DNHD1: variants seen among roughly 807,000 people sequenced by gnomAD.
DNHD1 encodes dynein heavy chain domain-containing protein 1.
Under a neutral mutation model 458.1 loss-of-function variants are expected in DNHD1, and 383 were observed. That is an observed-to-expected ratio of 0.84 (90% CI 0.77 to 0.91). The LOEUF is 0.91. Among genes scored for constraint, DNHD1 ranks in the 40% least tolerant of loss-of-function variants. The pLI, the probability that DNHD1 is intolerant of heterozygous loss-of-function variation, is 0.00. For synonymous variants in DNHD1, 2,203 were observed against 2,376.9 expected (o/e 0.93, Z 2.13); for missense variants, 5,336 against 5,866.1 (o/e 0.91, Z 2.95).
Position 6,544,578 on chromosome 11 carries a change from C to T in DNHD1, c.3759C>T (p.Ala1253=), listed in dbSNP as rs1378767548. Residue 1253 remains alanine (A), a synonymous_variant, in exon 20 of 43, where the codon GCC becomes GCT. Coordinates refer to ENST00000254579, the MANE Select transcript of DNHD1 (RefSeq NM_144666.3). ...EWVAIMHGLG[A]LLEVWLTFQQ... ...TTCCTCTGGCTGCTTACACAGGTGCCCTGCTGGAGGTGTGGCTGACTTTCC... is the reference window on the plus strand; with the variant it reads ...TTCCTCTGGCTGCTTACACAGGTGCTCTGCTGGAGGTGTGGCTGACTTTCC... 2.6e-6 allele frequency: 4 copies of T among 1,550,996 alleles called. No individual in the cohort carries two copies.
chr11:6,570,358 C>T lies in DNHD1; in HGVS notation c.13067C>T (p.Thr4356Ile). Residue 4356 changes from threonine (T) to isoleucine (I), a missense_variant, in exon 41 of 43, where the codon ACA becomes ATA. By Grantham distance (89) the Thr-to-Ile change is moderately conservative. This residue lies in a region of DNHD1 where 698 missense variants were observed against 664.9 expected (regional missense o/e 1.05). Transcript: ENST00000254579. ...PSSGSWVQPH[T>I]PQSLLATLMP... ...AGTGGGAGCTGGGTCCAGCCACACA[C>T]ACCTCAGTCTTTGCTGGCCACGCTC... The T allele has an allele frequency of 6.2e-7, 1 of 1,611,946 alleles. No individual in the cohort carries two copies. The highest frequency in any genetic ancestry group is 1.1e-5 in the South Asian group (1 of 90,672).
chr11:6,498,821 T>A lies in DNHD1; in HGVS notation c.606T>A (p.Ala202=). Residue 202 remains alanine (A), a synonymous_variant, in exon 3 of 43, where the codon GCT becomes GCA. Transcript: ENST00000254579. The part of the protein sequence containing the change: ...ELQRCLGIVG[A]QVALEEAVWL... ...AGCGCTGCCTGGGCATTGTTGGTGCTCAGGTGGCCCTAGAAGAGGCTGTGT... is the reference window on the plus strand; with the variant it reads ...AGCGCTGCCTGGGCATTGTTGGTGCACAGGTGGCCCTAGAAGAGGCTGTGT... 6.2e-7 allele frequency: 1 copy of A among 1,614,248 alleles called. No individual in the cohort carries two copies. The highest frequency in any genetic ancestry group is 8.5e-7 in the Non-Finnish European group (1 of 1,180,042).
intron 19 of DNHD1, 24 bp from the exon 20 acceptor site, chr11:6,544,550 G>T (rs1376307644): frequency 2.6e-6 from 4 of 1,538,448 alleles, no homozygotes; most frequent in Non-Finnish European, 3.5e-6. Context: ...TTTCCCACCA[G>T]CATTCCTCTG....
intron 8 of DNHD1, 46 bp from the exon 9 acceptor site, chr11:6,519,919 T>G (rs770298039): frequency 1.9e-6 from 3 of 1,613,524 alleles, no homozygotes; most frequent in Non-Finnish European, 2.5e-6. Context: ...GAGGAATGTA[T>G]ACTGACATCT....
At chr11:6,558,321 G>T in intron 25 of DNHD1, 24 bp downstream of exon 25, 1 of 1,545,566 alleles carries the variant, frequency 6.5e-7, no homozygotes, top group South Asian at 1.2e-5. Context: ...CCCCATATGC[G>T]AATCTGCTCT....
chr11:6,507,174 G>C (rs952792984), intron 4 of DNHD1, among the ~76,000 whole-genome samples: 2 of 152,120 alleles, frequency 1.3e-5, no homozygotes, highest in Non-Finnish European at 2.9e-5. Flanking sequence ...CCCCATCTCT[G>C]ACCACAATAC....
At position 6,505,630 on chromosome 11, in the gene DNHD1, A is replaced by G. The variant is rs191850418; in HGVS notation, c.920+2704A>G. Among the ~76,000 whole-genome samples the G allele has an allele frequency of 1.5e-3, 234 of 152,284 alleles. 2 individuals carry two copies. Among genetic ancestry groups the G allele is most frequent in the Middle Eastern group, 3.4e-3 (1 of 294 alleles). ...GCCTAGTATGGTTTCTGTTTTACTGACTGGACCCTGACTAACACGGTACTT... is the reference window on the plus strand; with the variant it reads ...GCCTAGTATGGTTTCTGTTTTACTGGCTGGACCCTGACTAACACGGTACTT... On this transcript the variant is annotated intron_variant, in intron 4 of 42. Coordinates refer to ENST00000254579, the MANE Select transcript of DNHD1 (RefSeq NM_144666.3). This position sits in a 1 kb window ranked among gnomAD's most constrained non-coding sequence, Gnocchi z 4.4.
At chr11:6,529,203 T>C (rs1852777117) in intron 12 of DNHD1, 82 bp downstream of exon 12, 1 of 1,464,670 alleles carries the variant, frequency 6.8e-7, no homozygotes, top group South Asian at 1.3e-5. Flanking sequence ...TGGAATGTCC[T>C]CCGGAGACCT....
At position 6,563,403 on chromosome 11, in the gene DNHD1, C is replaced by G; in HGVS notation, c.9691C>G (p.Pro3231Ala). ...LEQMSKAFLE[P>A]LSQLQVADFE... ...TTAGATGAGCAAGGCATTTCTGGAGCCTCTGAGCCAGCTGCAGGTGGCTGA... is the reference window on the plus strand; with the variant it reads ...TTAGATGAGCAAGGCATTTCTGGAGGCTCTGAGCCAGCTGCAGGTGGCTGA... Residue 3231 changes from proline to alanine, a missense_variant, in exon 30 of 43, where the codon CCT becomes GCT. This residue lies in a region of DNHD1 where 3,932 missense variants were observed against 4,365.6 expected (regional missense o/e 0.90). Transcript: ENST00000254579. 1 of 1,551,716 alleles carries G rather than the reference C, an allele frequency of 6.4e-7. No homozygotes were observed. Among genetic ancestry groups the G allele is most frequent in the South Asian group, 1.2e-5 (1 of 84,064 alleles).
chr11:6,569,841 G>A (rs1188106821), intron 39 of DNHD1, among the ~76,000 whole-genome samples, 168 bp from the exon 40 acceptor site: 1 of 152,194 alleles, frequency 6.6e-6, no homozygotes, highest in African/African-American at 2.4e-5. Context: ...AGGTGGAACA[G>A]GTTTTGTGGG....
At position 6,498,207 on chromosome 11, in the gene DNHD1, C is replaced by T. The variant is rs756761114; in HGVS notation, c.-9C>T. 6.2e-7 allele frequency: 1 copy of T among 1,603,994 alleles called. No individual in the cohort carries two copies. The highest frequency in any genetic ancestry group is 8.5e-7 in the Non-Finnish European group (1 of 1,173,368). ...GTCACTTCGACAGCAGTTGAATGCC[C>T]AGCTCCTCATGGTCCCGGAGGAGAG... On this transcript the variant is annotated 5_prime_UTR_variant, in exon 3 of 43. Transcript: ENST00000254579.
chr11:6,518,590 G>A (rs904927573), intron 7 of DNHD1, among the ~76,000 whole-genome samples: 1 of 152,152 alleles, frequency 6.6e-6, no homozygotes, highest in African/African-American at 2.4e-5. Context: ...ATAGAAAAAT[G>A]AAATAAGGTG....
intron 12 of DNHD1, 55 bp downstream of exon 12, chr11:6,529,176 A>G: frequency 3.9e-6 from 6 of 1,537,846 alleles, no homozygotes; most frequent in Non-Finnish European, 5.3e-6. Context: ...GTCTATTCAC[A>G]TGGCCTGCCT....
At chr11:6,510,094 T>C (rs1488165753) in intron 6 of DNHD1, among the ~76,000 whole-genome samples, 1 of 152,062 alleles carries the variant, frequency 6.6e-6, no homozygotes, top group Non-Finnish European at 1.5e-5. Context: ...AAGAATTTTT[T>C]TTTTTTTAAA....
chr11:6,547,606 A>G lies in DNHD1; in HGVS notation c.6667A>G (p.Ile2223Val), dbSNP rs1853251831. The G allele has an allele frequency of 6.5e-7, 1 of 1,545,366 alleles. No homozygotes were observed. Among genetic ancestry groups the G allele is most frequent in the African/African-American group, 1.4e-5 (1 of 72,922 alleles). ...GVAEVTSMAR[I>V]LHSLLDLHLR... Reference sequence around the variant, plus strand: ...GGCAGAAGTTACCAGCATGGCACGCATCTTGCATAGTCTGCTTGACCTCCA... The same window carrying G: ...GGCAGAAGTTACCAGCATGGCACGCGTCTTGCATAGTCTGCTTGACCTCCA... Residue 2223 changes from isoleucine (I) to valine (V), a missense_variant, in exon 21 of 43, where the codon ATC becomes GTC. This residue lies in a region of DNHD1 where 3,932 missense variants were observed against 4,365.6 expected (regional missense o/e 0.90). Coordinates refer to ENST00000254579, the MANE Select transcript of DNHD1 (RefSeq NM_144666.3).
In DNHD1 at chr11:6,498,730, G is replaced by A; in HGVS notation, c.515G>A (p.Trp172Ter). 1 of 1,614,196 alleles carries A rather than the reference G, an allele frequency of 6.2e-7. No individual in the cohort carries two copies. The highest frequency in any genetic ancestry group is 1.1e-5 in the South Asian group (1 of 91,082). The change falls in exon 3 of 43, where the codon TGG (tryptophan) becomes TAG (stop). Residue 172 changes from tryptophan (W) to a stop codon, truncating the protein, a stop_gained. Coordinates refer to ENST00000254579, the MANE Select transcript of DNHD1 (RefSeq NM_144666.3). LOFTEE classifies it high-confidence loss of function. ...CPACPFVQAQ[W>*]SRQQVKEELA... is the part of the protein sequence containing the mutation. ...GCTTGCCCTTTTGTGCAGGCCCAGT[G>A]GAGCAGGCAGCAAGTAAAGGAGGAG...
chr11:6,557,114 A>T lies in DNHD1; in HGVS notation c.7819A>T (p.Arg2607Ter), dbSNP rs1282349986. Residue 2607 changes from arginine (R) to a stop codon, truncating the protein, a stop_gained, in exon 25 of 43, where the codon AGA becomes TGA. Transcript: ENST00000254579. LOFTEE classifies it high-confidence loss of function. Reference sequence around the variant, plus strand: ...GAGCAGCCTGCAGCTGCTGCCCAACAGAACAGGCTCCCGAGGTTTTGTGGA... The same window carrying T: ...GAGCAGCCTGCAGCTGCTGCCCAACTGAACAGGCTCCCGAGGTTTTGTGGA... ...LLSSLQLLPN[R>*]TGSRGFVDYP... is the part of the protein sequence containing the mutation. The T allele has an allele frequency of 6.4e-7, 1 of 1,551,736 alleles. No homozygotes were observed. Among genetic ancestry groups the T allele is most frequent in the Non-Finnish European group, 8.7e-7 (1 of 1,147,002 alleles).
chr11:6,518,394 C>T (rs905059978), intron 7 of DNHD1, among the ~76,000 whole-genome samples: 1 of 152,148 alleles, frequency 6.6e-6, no homozygotes, highest in African/African-American at 2.4e-5. Flanking sequence ...TGGCTGTTAT[C>T]ACCCCTAGTA....
intron 10 of DNHD1, among the ~76,000 whole-genome samples, chr11:6,523,499 C>T (rs1852646579): frequency 1.3e-5 from 2 of 152,050 alleles, no homozygotes; most frequent in Non-Finnish European, 2.9e-5. Flanking sequence ...TGTGGAATGT[C>T]TGAGTCACTC....
Sources: allele counts gnomAD v4.1 joint callset (sites outside exome capture counted in the v4.1 genomes callset), GRCh38; gene constraint gnomAD v4.1.1; regional missense constraint gnomAD v4.1.1; non-coding constraint Gnocchi (gnomAD v3.1); transcripts MANE v1.5; gene names NCBI Gene and HGNC (gene_info 2026-07-23, HGNC 2026-07-21).